NUP153: variants seen among roughly 807,000 people sequenced by gnomAD.
The protein encoded by NUP153 is nucleoporin 153.
NUP153 carries 27 observed loss-of-function variants against 134.6 expected under a neutral mutation model. The observed-to-expected ratio is 0.20, with a 90% CI of 0.15 to 0.28. The LOEUF (loss-of-function observed/expected upper bound fraction) is 0.28, where lower values mean the gene tolerates loss of function less well. Among genes scored for constraint, NUP153 ranks in the 10% least tolerant of loss-of-function variants. The pLI, the probability that NUP153 is intolerant of heterozygous loss-of-function variation, is 1.00. For missense variants in NUP153, 1,821 were observed against 1,731.3 expected, an observed-to-expected ratio of 1.05 and a Z score of -0.92; for synonymous variants, 640 against 623.5, an observed-to-expected ratio of 1.03 and a Z score of -0.40.
chr6:17,700,713 G>T (rs1397798707), intron 1 of NUP153, among the ~76,000 whole-genome samples: 2 of 152,106 alleles, frequency 1.3e-5, no homozygotes, highest in African/African-American at 2.4e-5. Flanking sequence ...ATAAACCATG[G>T]TATAGCAAAC....
At chr6:17,649,403 T>C (rs1766391527) in intron 11 of NUP153, 103 bp from the exon 12 acceptor site, 3 of 1,068,320 alleles carry the variant, frequency 2.8e-6, no homozygotes, top group Non-Finnish European at 4.0e-6. Context: ...TGGTACCATG[T>C]AGTGTTAACA....
rs751151863 is a variant in NUP153 at position 17,706,373 on chromosome 6, G to A, written c.15C>T (p.Ala5=). The A allele has an allele frequency of 5.6e-6, 9 of 1,612,202 alleles. No homozygotes were observed. The highest frequency in any genetic ancestry group is 2.2e-5 in the East Asian group (1 of 44,840). Residue 5 remains alanine (A), a synonymous_variant, in exon 1 of 22, where the codon GCC becomes GCT. Coordinates refer to ENST00000262077, the MANE Select transcript of NUP153 (RefSeq NM_005124.4). The surrounding 1 kb of genome is among the most constrained non-coding windows in gnomAD (Gnocchi z 5.9). MASG[A]GGVGGGGGGK... is the part of the protein sequence containing the mutation. Reference sequence around the variant, plus strand: ...CGCCACCGCCCCCTCCGACTCCTCCGGCTCCCGAGGCCATGGCGGAGCCTC... The same window carrying A: ...CGCCACCGCCCCCTCCGACTCCTCCAGCTCCCGAGGCCATGGCGGAGCCTC...
intron 16 of NUP153, among the ~76,000 whole-genome samples, chr6:17,635,863 C>T (rs1201963547): frequency 2.0e-5 from 3 of 152,210 alleles, no homozygotes; most frequent in Admixed American, 1.3e-4. Flanking sequence ...GGAGGACATC[C>T]AAGTTCTTTA....
At position 17,649,277 on chromosome 6, in the gene NUP153, C is replaced by T. The variant is rs200071552; in HGVS notation, c.1419G>A (p.Pro473=). Residue 473 remains proline, a synonymous_variant, in exon 12 of 22, where the codon CCG becomes CCA. Transcript: ENST00000262077. Reference sequence around the variant, plus strand: ...AACTGGTGATCGGTAGAGAGATTTTCGGTAATACTGGAACTTCCATTTCCT... The same window carrying T: ...AACTGGTGATCGGTAGAGAGATTTTTGGTAATACTGGAACTTCCATTTCCT... The part of the protein sequence containing the change: ...EEEEMEVPVL[P]KISLPITSSS... 28 of 1,612,568 alleles carry T rather than the reference C, an allele frequency of 1.7e-5. No homozygotes were observed. Among genetic ancestry groups the T allele is most frequent in the South Asian group, 8.8e-5 (8 of 90,708 alleles).
intron 1 of NUP153, among the ~76,000 whole-genome samples, chr6:17,696,838 C>T (rs973041911): frequency 4.6e-5 from 7 of 151,872 alleles, no homozygotes; most frequent in African/African-American, 1.7e-4. Context: ...ATTGGGAGGC[C>T]GAGGTGGGCA....
chr6:17,648,581 C>T (rs781281293), intron 12 of NUP153, among the ~76,000 whole-genome samples: 1 of 152,020 alleles, frequency 6.6e-6, no homozygotes, highest in Non-Finnish European at 1.5e-5. Context: ...CGTGCCACTG[C>T]ACTCCAGCCT....
At chr6:17,693,531 T>C (rs1769418040) in intron 1 of NUP153, among the ~76,000 whole-genome samples, 1 of 152,226 alleles carries the variant, frequency 6.6e-6, no homozygotes, top group African/African-American at 2.4e-5. Flanking sequence ...TCTGGGTATC[T>C]TGCTATCTTG....
chr6:17,671,579 C>T (rs1024045931), intron 5 of NUP153, among the ~76,000 whole-genome samples: 19 of 152,084 alleles, frequency 1.2e-4, no homozygotes, highest in Admixed American at 2.0e-4. Flanking sequence ...GATCTGTATG[C>T]TGAACACTAC....
intron 18 of NUP153, among the ~76,000 whole-genome samples, chr6:17,627,534 T>G (rs1325367460): frequency 4.6e-5 from 7 of 152,176 alleles, no homozygotes. Context: ...CTTGTTCTGT[T>G]GCCCAAGCTG....
rs1768148931 is a variant in NUP153, at chr6:17,675,283, G to A, written c.669C>T (p.Ala223=). 1 of 1,614,040 alleles carries A rather than the reference G, an allele frequency of 6.2e-7. No individual in the cohort carries two copies. Among genetic ancestry groups the A allele is most frequent in the African/African-American group, 1.3e-5 (1 of 74,934 alleles). ...ERSHSLSQHT[A]TSSKKPAFNL... ...TGAATGCTGGTTTTTTTGAGCTGGT[G>A]GCAGTGTGCTGTGAGAGTGAGTGAG... is the stretch of plus-strand genomic sequence containing the variant. The change falls in exon 4 of 22, where the codon GCC becomes GCT. Residue 223 remains alanine, a synonymous_variant. Coordinates refer to ENST00000262077, the MANE Select transcript of NUP153 (RefSeq NM_005124.4). This position sits in a 1 kb window ranked among gnomAD's most constrained non-coding sequence, Gnocchi z 4.4.
chr6:17,706,444 G>C lies in NUP153; in HGVS notation c.-57C>G, dbSNP rs748384875. ...CGGGTAAGGGGGCGGGAGAGGCAGA[G>C]GCGGAGGCCTTAGAGAGCCTCCCCC... On this transcript the variant is annotated 5_prime_UTR_variant, in exon 1 of 22. Transcript: ENST00000262077. This position sits in a 1 kb window ranked among gnomAD's most constrained non-coding sequence, Gnocchi z 5.9. 4 of 1,420,506 alleles carry C rather than the reference G, an allele frequency of 2.8e-6. No individual in the cohort carries two copies. Among genetic ancestry groups the C allele is most frequent in the Non-Finnish European group, 3.9e-6 (4 of 1,021,930 alleles). The allele number at this position is 1,420,506 out of a possible 1,614,324, so 88.0% of individuals were successfully genotyped here. A position where few individuals can be genotyped will look rare whatever the true frequency, so the allele number is the denominator to read the frequency against.
At position 17,675,915 on chromosome 6, in the gene NUP153, C is replaced by T; in HGVS notation, c.335-145G>A. ...GCATCCCATAATAAGCCCAATATAA[C>T]ATACTCCTAGGCAAAACAAAGTTTC... On this transcript the variant is annotated intron_variant, in intron 2 of 21. Coordinates refer to ENST00000262077, the MANE Select transcript of NUP153 (RefSeq NM_005124.4). This position sits in a 1 kb window ranked among gnomAD's most constrained non-coding sequence, Gnocchi z 4.4. 1 of 747,456 alleles carries T rather than the reference C, an allele frequency of 1.3e-6. No homozygotes were observed. Among genetic ancestry groups the T allele is most frequent in the Non-Finnish European group, 2.2e-6 (1 of 459,314 alleles). 46.3% of individuals were successfully genotyped at this position (747,456 alleles called of 1,614,324 possible).
intron 11 of NUP153, among the ~76,000 whole-genome samples, chr6:17,659,683 G>A (rs530423003): frequency 1.4e-4 from 21 of 152,256 alleles, no homozygotes; most frequent in Admixed American, 5.2e-4. Context: ...ATGTTGGCCA[G>A]GATGGTCTCG....
chr6:17,682,942 A>AAC (rs58893438), intron 2 of NUP153, among the ~76,000 whole-genome samples: 13 of 150,706 alleles, frequency 8.6e-5, no homozygotes, highest in Non-Finnish European at 1.6e-4. Flanking sequence ...AAAAAAAAAA[A>AAC]CACTTTCTTT....
At chr6:17,688,357 A>T in intron 2 of NUP153, 39 bp downstream of exon 2, 1 of 1,514,076 alleles carries the variant, frequency 6.6e-7, no homozygotes, top group Non-Finnish European at 9.2e-7. Flanking sequence ...AGGGCATGAA[A>T]ACCTATCATT....
At chr6:17,669,672 A>G in intron 5 of NUP153, 126 bp from the exon 6 acceptor site, 1 of 676,292 alleles carries the variant, frequency 1.5e-6, no homozygotes. Context: ...ATTAACAGCA[A>G]TTTATCTTTG....
At chr6:17,620,569 C>T (rs1764598126) in intron 20 of NUP153, among the ~76,000 whole-genome samples, 1 of 152,210 alleles carries the variant, frequency 6.6e-6, no homozygotes, top group Non-Finnish European at 1.5e-5. Context: ...TGCTCCAGGA[C>T]ATTGGTCTAA....
chr6:17,690,431 G>C (rs1769208107), intron 1 of NUP153, among the ~76,000 whole-genome samples: 1 of 152,098 alleles, frequency 6.6e-6, no homozygotes, highest in Admixed American at 6.6e-5. Flanking sequence ...TAAAATTGGA[G>C]GACCTCCCTG....
In NUP153 at chr6:17,669,022, C is replaced by G. The variant is rs780292174; in HGVS notation, c.1021G>C (p.Asp341His). ...TCTGTGATATCTATCCCACTCCTAT[C>G]AAGAGGCTGAAAAAAAAAAAAAACA... The part of the protein sequence containing the change: ...IVSSPLNSPL[D>H]RSGIDITDFQ... The change falls in exon 8 of 22, where the codon GAT becomes CAT. Residue 341 changes from aspartate (D) to histidine (H), a missense_variant. Coordinates refer to ENST00000262077, the MANE Select transcript of NUP153 (RefSeq NM_005124.4). 1 of 1,414,486 alleles carries G rather than the reference C, an allele frequency of 7.1e-7. No individual in the cohort carries two copies. The highest frequency in any genetic ancestry group is 9.4e-7 in the Non-Finnish European group (1 of 1,062,560). 87.6% of individuals were successfully genotyped at this position (1,414,486 alleles called of 1,614,324 possible).
Sources: gnomAD v4.1 joint callset for allele counts (sites outside exome capture counted in the v4.1 genomes callset) on GRCh38, gnomAD v4.1.1 for gene constraint, Gnocchi (gnomAD v3.1) non-coding constraint, MANE v1.5 for transcripts, NCBI Gene and HGNC (gene_info 2026-07-23, HGNC 2026-07-21) for gene names.